The following NR3C1 variants were observed in gnomAD, a reference collection of about 807,000 sequenced individuals.
NR3C1 encodes the protein glucocorticoid receptor.
In NR3C1, 14 loss-of-function variants were observed where a neutral mutation model predicts 74.0. That is an observed-to-expected ratio of 0.19 (90% CI 0.12 to 0.30). The LOEUF (loss-of-function observed/expected upper bound fraction) is 0.30. NR3C1 is among the 10% of genes least tolerant of loss of function. The pLI is 1.00. For synonymous variants in NR3C1, 308 were observed against 332.5 expected (o/e 0.93, Z 0.80); for missense variants, 695 against 909.8 (o/e 0.76, Z 3.04).
chr5:143,380,347 G>A (rs1835959928), intron 2 of NR3C1, among the ~76,000 whole-genome samples: 1 of 152,076 alleles, frequency 6.6e-6, no homozygotes, highest in Non-Finnish European at 1.5e-5. Flanking sequence ...CATTAAGAAA[G>A]TAAAGTCCTT....
Position 143,310,170 on chromosome 5 carries a change from G to A in NR3C1, c.1395C>T (p.Ile465=), listed in dbSNP as rs144393386. 75 of 1,613,644 alleles carry A rather than the reference G, an allele frequency of 4.6e-5. No homozygotes were observed. Among genetic ancestry groups the A allele is most frequent in the South Asian group, 7.7e-5 (7 of 91,066 alleles). Residue 465 remains isoleucine (I), a synonymous_variant, in exon 4 of 9, where the codon ATC becomes ATT. Coordinates refer to ENST00000394464, the MANE Select transcript of NR3C1 (RefSeq NM_000176.3). The part of the protein sequence containing the change: ...YLCAGRNDCI[I]DKIRRKNCPA... ...GGCAGTTTTTTCTTCGAATTTTATC[G>A]ATGATGCAATCATTCCTTCCAGCAC...
chr5:143,330,460 A>G (rs981490748), intron 2 of NR3C1, among the ~76,000 whole-genome samples: 1 of 152,228 alleles, frequency 6.6e-6, no homozygotes, highest in African/African-American at 2.4e-5. Flanking sequence ...TATTCTCTCA[A>G]ACTTGTTTTA....
chr5:143,402,609 G>A, intron 1 of NR3C1: 2 of 985,478 alleles, frequency 2.0e-6, no homozygotes, highest in Non-Finnish European at 2.4e-6. Flanking sequence ...GACCTGTTGA[G>A]TTCTCTCTCC....
At chr5:143,337,047 A>G (rs1827285320) in intron 2 of NR3C1, among the ~76,000 whole-genome samples, 1 of 152,150 alleles carries the variant, frequency 6.6e-6, no homozygotes, top group African/African-American at 2.4e-5. Flanking sequence ...ACACACATAT[A>G]TATCTCCTTA....
chr5:143,367,352 A>C (rs1367678426), intron 2 of NR3C1, among the ~76,000 whole-genome samples: 4 of 152,224 alleles, frequency 2.6e-5, no homozygotes, highest in African/African-American at 9.6e-5. Flanking sequence ...AGACCAACAC[A>C]AAGATGCTCA....
At chr5:143,305,603 T>C (rs1275054521) in intron 4 of NR3C1, among the ~76,000 whole-genome samples, 1 of 152,162 alleles carries the variant, frequency 6.6e-6, no homozygotes, top group African/African-American at 2.4e-5. Flanking sequence ...GCAACATGGA[T>C]GTAGCAGGCG....
At chr5:143,323,427 GAGAATAGCAC>G (rs1045940297) in intron 2 of NR3C1, among the ~76,000 whole-genome samples, 3 of 152,128 alleles carry the variant, frequency 2.0e-5, no homozygotes, top group Non-Finnish European at 2.9e-5. Context: ...TCACTATCAT[GAGAATAGCAC>G]AGGAAAGACC....
Position 143,279,211 on chromosome 5 carries a change from C to A in NR3C1, c.*2678G>T. ...ATGACTTTCTTTTCCCCCACGTATC[C>A]TAAAAGGGCACAGCTTCTTTTCCCA... On this transcript the variant is annotated 3_prime_UTR_variant, in exon 9 of 9. Transcript: ENST00000394464. 1 of 846,172 alleles carries A rather than the reference C, an allele frequency of 1.2e-6. No individual in the cohort carries two copies. Among genetic ancestry groups the A allele is most frequent in the Non-Finnish European group, 1.8e-6 (1 of 565,168 alleles). 52.4% of individuals were successfully genotyped at this position (846,172 alleles called of 1,614,324 possible). A position where few individuals can be genotyped will look rare whatever the true frequency, so the allele number is the denominator to read the frequency against.
chr5:143,290,043 TA>T (rs1300736350), intron 7 of NR3C1, among the ~76,000 whole-genome samples: 5 of 152,232 alleles, frequency 3.3e-5, no homozygotes, highest in African/African-American at 1.2e-4. Flanking sequence ...AAAATCTCAT[TA>T]TTTTTACTAG....
chr5:143,374,879 T>C (rs889497845), intron 2 of NR3C1, among the ~76,000 whole-genome samples: 2 of 152,178 alleles, frequency 1.3e-5, no homozygotes, highest in African/African-American at 4.8e-5. Flanking sequence ...TGCACTCACA[T>C]GTATTTTACT....
chr5:143,302,468 C>T (rs1392941524), intron 4 of NR3C1, among the ~76,000 whole-genome samples: 9 of 151,994 alleles, frequency 5.9e-5, no homozygotes, highest in Admixed American at 5.2e-4. Context: ...AAAGAGAACA[C>T]ACATGTGCCA....
chr5:143,316,705 T>A (rs1329065501), intron 2 of NR3C1, among the ~76,000 whole-genome samples: 1 of 152,170 alleles, frequency 6.6e-6, no homozygotes, highest in Non-Finnish European at 1.5e-5. Flanking sequence ...CACCTGTGTG[T>A]GTGTTGTGAA....
intron 2 of NR3C1, among the ~76,000 whole-genome samples, chr5:143,332,400 G>C (rs1358862649): frequency 1.4e-5 from 2 of 148,022 alleles, no homozygotes; most frequent in East Asian, 3.9e-4. Context: ...AGTGTAACTG[G>C]GGCCCGTTGG....
At chr5:143,307,188 G>A (rs558471697) in intron 4 of NR3C1, among the ~76,000 whole-genome samples, 2 of 152,150 alleles carry the variant, frequency 1.3e-5, no homozygotes, top group East Asian at 1.9e-4. Context: ...GAGCCACCGC[G>A]CCCAACCGTA....
At chr5:143,374,980 G>A (rs567522021) in intron 2 of NR3C1, among the ~76,000 whole-genome samples, 2 of 152,032 alleles carry the variant, frequency 1.3e-5, no homozygotes, top group African/African-American at 4.8e-5. Context: ...AATCTCATCA[G>A]TAAAGGGATG....
chr5:143,285,728 C>A (rs1814268832), intron 7 of NR3C1, among the ~76,000 whole-genome samples: 1 of 151,898 alleles, frequency 6.6e-6, no homozygotes, highest in African/African-American at 2.4e-5. Context: ...GAAAACACAG[C>A]ATATCAAAAT....
chr5:143,368,463 CA>C (rs1262250453), intron 2 of NR3C1, among the ~76,000 whole-genome samples: 14 of 151,614 alleles, frequency 9.2e-5, no homozygotes, highest in Non-Finnish European at 1.6e-4. Context: ...AAATTGTCCT[CA>C]AATTATATAT....
chr5:143,281,891 A>G lies in NR3C1; in HGVS notation c.2332T>C (p.Ter778ArgextTer3). The change falls in exon 9 of 9, where the codon TGA becomes CGA. Residue 778 changes from the stop codon to arginine, a stop_lost. Coordinates refer to ENST00000394464, the MANE Select transcript of NR3C1 (RefSeq NM_000176.3). The stretch of plus-strand genomic sequence containing the variant: ...GGCAACCATTCTTATTAAGGCAGTC[A>G]CTTTTGATGAAACAGAAGTTTTTTG... The part of the protein sequence containing the change: ...NIKKLLFHQK[*>R] 6.2e-7 allele frequency: 1 copy of G among 1,613,202 alleles called. No homozygotes were observed. Among genetic ancestry groups the G allele is most frequent in the Non-Finnish European group, 8.5e-7 (1 of 1,179,398 alleles).
At chr5:143,363,812 G>C (rs1482951559) in intron 2 of NR3C1, among the ~76,000 whole-genome samples, 12 of 151,992 alleles carry the variant, frequency 7.9e-5, no homozygotes, top group Non-Finnish European at 1.5e-5. Context: ...GAAAATCCAT[G>C]AACTCGAAGA....
Sources: allele counts gnomAD v4.1 joint callset (sites outside exome capture counted in the v4.1 genomes callset), GRCh38; gene constraint gnomAD v4.1.1; transcripts MANE v1.5; gene names NCBI Gene and HGNC (gene_info 2026-07-23, HGNC 2026-07-21).